PI16: variants seen among roughly 807,000 people sequenced by gnomAD.
PI16 encodes the protein PSP94-binding protein.
Under a neutral mutation model 38.0 loss-of-function variants are expected in PI16, and 35 were observed. That is an observed-to-expected ratio of 0.92 (90% confidence interval 0.70 to 1.22). The LOEUF (loss-of-function observed/expected upper bound fraction) is 1.22, where lower values mean the gene tolerates loss of function less well. Ranked by LOEUF, PI16 falls within the 50% of genes most tolerant of loss-of-function variation. The pLI is 0.00. For synonymous variants in PI16, 275 were observed against 252.9 expected (o/e 1.09, Z -0.83); for missense variants, 572 against 593.8 (o/e 0.96, Z 0.38).
chr6:36,959,832 C>T (rs115387803), intron 2 of PI16, among the ~76,000 whole-genome samples: 4,051 of 149,018 alleles, frequency 0.027, 83 homozygotes, highest in Middle Eastern at 0.083. Flanking sequence ...CACACCACTA[C>T]ACTCCAGCCT....
At chr6:36,958,146 C>G (rs1290512629) in intron 1 of PI16, among the ~76,000 whole-genome samples, 3 of 152,236 alleles carry the variant, frequency 2.0e-5, no homozygotes, top group Admixed American at 6.5e-5. Flanking sequence ...GCCACCTCCC[C>G]TCAGGGTCAC....
Position 36,962,855 on chromosome 6 carries a change from G to A in PI16, c.593-80G>A. On this transcript the variant is annotated intron_variant, in intron 4 of 6. Transcript: ENST00000373674. This position sits in a 1 kb window ranked among gnomAD's most constrained non-coding sequence, Gnocchi z 4.1. ...GTGTGTCCTGGTAGGACATTTGGTC[G>A]CGTCACTTGGTTTGCAGTGCCATGA... 3.3e-6 allele frequency: 4 copies of A among 1,209,914 alleles called. No homozygotes were observed. The highest frequency in any genetic ancestry group is 4.6e-6 in the Non-Finnish European group (4 of 860,562). 74.9% of individuals were successfully genotyped at this position (1,209,914 alleles called of 1,614,324 possible).
rs748159799 is a variant in PI16 at position 36,963,981 on chromosome 6, G to A, written c.*18+19G>A. ...CTCAAAGGCAAGGCCTGGTGAGGGG[G>A]GCCCTGGCCTCATACCCACCTGGAT... On this transcript the variant is annotated intron_variant, in intron 6 of 6. Transcript: ENST00000373674. 1.3e-6 allele frequency: 2 copies of A among 1,594,068 alleles called. No homozygotes were observed. Among genetic ancestry groups the A allele is most frequent in the Middle Eastern group, 1.7e-4 (1 of 5,936 alleles).
At position 36,963,200 on chromosome 6, in the gene PI16, T is replaced by G. The variant is rs139089988; in HGVS notation, c.858T>G (p.Thr286=). 4.4e-5 allele frequency: 71 copies of G among 1,614,104 alleles called. No homozygotes were observed. The African/African-American group carries it at 9.2e-4, about 21-fold the overall frequency. The part of the protein sequence containing the change: ...MATEAPPCVT[T]EVPSILAAHS... ...CAGAGGCTCCACCTTGCGTAACAAC[T>G]GAGGTCCCTTCCATTTTGGCAGCTC... Residue 286 remains threonine (T), a synonymous_variant, in exon 5 of 7, where the codon ACT becomes ACG. Transcript: ENST00000373674.
intron 1 of PI16, among the ~76,000 whole-genome samples, chr6:36,957,674 CAATGATGCT>C (rs923924844): frequency 6.6e-6 from 1 of 152,170 alleles, no homozygotes; most frequent in African/African-American, 2.4e-5. Context: ...AAGACCAAAG[CAATGATGCT>C]AATGGTGGGG....
At position 36,962,106 on chromosome 6, in the gene PI16, G is replaced by C. The variant is rs1763383433; in HGVS notation, c.592+132G>C. The C allele has an allele frequency of 1.5e-6, 1 of 670,600 alleles. No homozygotes were observed. Among genetic ancestry groups the C allele is most frequent in the African/African-American group, 1.8e-5 (1 of 56,328 alleles). The allele number at this position is 670,600 out of a possible 1,614,324, so 41.5% of individuals were successfully genotyped here. ...GAGCCTGGTGGGATGCGACCACCGGGGGCCCCTGGCGGCTCCCTTAGCCCC... is the reference window on the plus strand; with the variant it reads ...GAGCCTGGTGGGATGCGACCACCGGCGGCCCCTGGCGGCTCCCTTAGCCCC... On this transcript the variant is annotated intron_variant, in intron 4 of 6. Transcript: ENST00000373674. The surrounding 1 kb of genome is among the most constrained non-coding windows in gnomAD (Gnocchi z 4.1).
At chr6:36,955,114 A>G (rs912349779) in intron 1 of PI16, among the ~76,000 whole-genome samples, 183 bp downstream of exon 1, 5 of 152,134 alleles carry the variant, frequency 3.3e-5, no homozygotes, top group Non-Finnish European at 7.3e-5. Flanking sequence ...GGCAAAAACC[A>G]CAATTACTTT....
rs1364240622 is a variant in PI16, at chr6:36,963,540, A to G, written c.1198A>G (p.Asn400Asp). 6.2e-7 allele frequency: 1 copy of G among 1,614,110 alleles called. No individual in the cohort carries two copies. The highest frequency in any genetic ancestry group is 8.5e-7 in the Non-Finnish European group (1 of 1,180,018). Residue 400 changes from asparagine (N) to aspartate (D), a missense_variant, in exon 5 of 7, where the codon AAT (asparagine) becomes GAT (aspartate). Coordinates refer to ENST00000373674, the MANE Select transcript of PI16 (RefSeq NM_153370.3). ...GCACACCTCCTCCAAGTCCCTGCCC[A>G]ATTTCCCCAATACCTCTGCCACCGC... is the stretch of plus-strand genomic sequence containing the variant. ...TGHTSSKSLP[N>D]FPNTSATANA...
In PI16 at chr6:36,954,926, C is replaced by T; in HGVS notation, c.166C>T (p.His56Tyr). 2 of 1,612,788 alleles carry T rather than the reference C, an allele frequency of 1.2e-6. No homozygotes were observed. Among genetic ancestry groups the T allele is most frequent in the Non-Finnish European group, 8.5e-7 (1 of 1,179,832 alleles). ...QVSPTASDML[H>Y]MRWDEELAAF... Reference sequence around the variant, plus strand: ...ATCCCCGACGGCCTCAGACATGCTGCACATGGTAAGTGTGGCCACGGCCCT... The same window carrying T: ...ATCCCCGACGGCCTCAGACATGCTGTACATGGTAAGTGTGGCCACGGCCCT... The change falls in exon 1 of 7, where the codon CAC becomes TAC. Residue 56 changes from histidine (H) to tyrosine (Y), a missense_variant. His to Tyr is a moderately conservative substitution (Grantham distance 83). Transcript: ENST00000373674.
chr6:36,950,865 C>A (rs761336308), upstream of PI16, among the ~76,000 whole-genome samples: 7 of 152,242 alleles, frequency 4.6e-5, no homozygotes, highest in Non-Finnish European at 8.8e-5. This position sits in a 1 kb window ranked among gnomAD's most constrained non-coding sequence, Gnocchi z 4.2. Context: ...TTAACTCTTT[C>A]GCGTATATAC....
intron 2 of PI16, 139 bp downstream of exon 2, chr6:36,959,505 CT>C: frequency 1.2e-6 from 1 of 824,498 alleles, no homozygotes; most frequent in African/African-American, 1.7e-5. Flanking sequence ...TCCAAGCCCC[CT>C]CAGACACTTT....
intron 2 of PI16, among the ~76,000 whole-genome samples, chr6:36,961,249 G>A (rs1561897084): frequency 6.6e-6 from 1 of 152,224 alleles, no homozygotes; most frequent in Non-Finnish European, 1.5e-5. Context: ...TGGCAGAGGA[G>A]AGTAGACTGT....
upstream of PI16, chr6:36,954,716 A>G: frequency 6.4e-7 from 1 of 1,568,020 alleles, no homozygotes; most frequent in African/African-American, 1.4e-5. Flanking sequence ...CTTTAAATCC[A>G]GCTGCCAGAC....
At position 36,959,364 on chromosome 6, in the gene PI16, C is replaced by G. The variant is rs757271816; in HGVS notation, c.391C>G (p.Gln131Glu). Reference protein sequence around the residue: ...SPGQMCGHYTQVVWAKTERIG... With the variant: ...SPGQMCGHYTEVVWAKTERIG... Reference sequence around the variant, plus strand: ...AGGCCAGATGTGCGGCCACTACACGCAGGTGTGGGCCCGGCGGGCGAGGCG... The same window carrying G: ...AGGCCAGATGTGCGGCCACTACACGGAGGTGTGGGCCCGGCGGGCGAGGCG... Residue 131 changes from glutamine to glutamate, a missense_variant and splice_region_variant, in exon 2 of 7, where the codon CAG (glutamine) becomes GAG (glutamate). Transcript: ENST00000373674. 6.4e-7 allele frequency: 1 copy of G among 1,552,028 alleles called. No individual in the cohort carries two copies. Among genetic ancestry groups the G allele is most frequent in the Middle Eastern group, 1.8e-4 (1 of 5,514 alleles).
chr6:36,961,670 T>G, intron 3 of PI16, 110 bp downstream of exon 3: 1 of 1,033,692 alleles, frequency 9.7e-7, no homozygotes, highest in Non-Finnish European at 1.5e-6. Flanking sequence ...GGGGTCAGTC[T>G]GGAGCAATAC....
rs1763441941 is a variant in PI16, at chr6:36,963,858, G to A, written c.1306G>A (p.Gly436Arg). 6.2e-7 allele frequency: 1 copy of A among 1,613,472 alleles called. No homozygotes were observed. Among genetic ancestry groups the A allele is most frequent in the Non-Finnish European group, 8.5e-7 (1 of 1,179,736 alleles). The change falls in exon 6 of 7, where the codon GGG (glycine) becomes AGG (arginine). Residue 436 changes from glycine (G) to arginine (R), a missense_variant. Transcript: ENST00000373674. Reference sequence around the variant, plus strand: ...CCCTGACAAGCCTAGCGTCGTGTCAGGGCTGAACTCGGGCCCTGGTCATGT... The same window carrying A: ...CCCTGACAAGCCTAGCGTCGTGTCAAGGCTGAACTCGGGCCCTGGTCATGT... ...EGPDKPSVVS[G>R]LNSGPGHVWG...
chr6:36,962,921 G>T lies in PI16; in HGVS notation c.593-14G>T. ...GCTTGCAGCACTCATGCCCGTTCTC[G>T]TCTGTCTTATCAGAACCCATCGGAA... On this transcript the variant is annotated splice_polypyrimidine_tract_variant and intron_variant, in intron 4 of 6. Transcript: ENST00000373674. The surrounding 1 kb of genome is among the most constrained non-coding windows in gnomAD (Gnocchi z 4.1). 1 of 1,595,628 alleles carries T rather than the reference G, an allele frequency of 6.3e-7. No individual in the cohort carries two copies.
chr6:36,957,792 T>C (rs1304058276), intron 1 of PI16, among the ~76,000 whole-genome samples: 1 of 152,204 alleles, frequency 6.6e-6, no homozygotes, highest in African/African-American at 2.4e-5. Flanking sequence ...TTGACAAGTA[T>C]CTGTTGAGCA....
chr6:36,962,929 T>A lies in PI16; in HGVS notation c.593-6T>A. ...CACTCATGCCCGTTCTCGTCTGTCTTATCAGAACCCATCGGAAGCCCGGAA... is the reference window on the plus strand; with the variant it reads ...CACTCATGCCCGTTCTCGTCTGTCTAATCAGAACCCATCGGAAGCCCGGAA... On this transcript the variant is annotated splice_polypyrimidine_tract_variant and splice_region_variant and intron_variant, in intron 4 of 6. Transcript: ENST00000373674. This position sits in a 1 kb window ranked among gnomAD's most constrained non-coding sequence, Gnocchi z 4.1. 1 of 1,609,476 alleles carries A rather than the reference T, an allele frequency of 6.2e-7. No homozygotes were observed.
Sources: allele counts gnomAD v4.1 joint callset (sites outside exome capture counted in the v4.1 genomes callset), GRCh38; gene constraint gnomAD v4.1.1; non-coding constraint Gnocchi (gnomAD v3.1); transcripts MANE v1.5; gene names NCBI Gene and HGNC (gene_info 2026-07-23, HGNC 2026-07-21).